Variants in ZNF48 observed in about 807,000 individuals in gnomAD.
The protein encoded by ZNF48 is zinc finger protein 48, also known as zinc finger protein 553.
In ZNF48, 20 loss-of-function variants were observed where a neutral mutation model predicts 40.0. The ratio of observed to expected loss-of-function variants is 0.50; its 90% CI spans 0.35 to 0.73. The LOEUF (loss-of-function observed/expected upper bound fraction) is 0.73, where lower values mean the gene tolerates loss of function less well. Among genes scored for constraint, ZNF48 ranks in the 30% least tolerant of loss-of-function variants. The pLI is 0.01. For synonymous variants in ZNF48, 298 were observed against 329.7 expected, an observed-to-expected ratio of 0.90 and a Z score of 1.04; for missense variants, 726 against 851.9, an observed-to-expected ratio of 0.85 and a Z score of 1.84.
chr16:30,390,938 A>G (rs758481965), upstream of ZNF48, among the ~76,000 whole-genome samples: 4 of 149,098 alleles, frequency 2.7e-5, no homozygotes, highest in Non-Finnish European at 6.0e-5. Context: ...ACAGGGTTTC[A>G]ATGTGTTAGC....
At chr16:30,378,379 T>G (rs1451083839) in exon 1 of ZNF48, 2 of 1,474,488 alleles carry the variant, frequency 1.4e-6, no homozygotes, top group Non-Finnish European at 1.8e-6. Flanking sequence ...GCGCGGGGAT[T>G]GGACAAGAGG....
rs199803502 is a variant in ZNF48, at chr16:30,378,436, A to T, written c.-16+26A>T. ...GTAAGGCCGGGCGGGGCGTGGCCTCAGAGGGCGTCTGACTGCTCGCCCTGG... is the reference window on the plus strand; with the variant it reads ...GTAAGGCCGGGCGGGGCGTGGCCTCTGAGGGCGTCTGACTGCTCGCCCTGG... On this transcript the variant is annotated intron_variant, in intron 1 of 2. Transcript: ENST00000528032. 390 of 1,569,404 alleles carry T rather than the reference A, an allele frequency of 2.5e-4. 1 individual carries two copies. The highest frequency in any genetic ancestry group is 2.0e-3 in the East Asian group (87 of 44,186).
chr16:30,389,814 T>C (rs2049928186), intron 1 of ZNF48, among the ~76,000 whole-genome samples: 1 of 137,952 alleles, frequency 7.2e-6, no homozygotes, highest in East Asian at 2.1e-4. Flanking sequence ...TCATTTGGAT[T>C]AGTTTTTTTT....
At position 30,381,987 on chromosome 16, in the gene ZNF48, A is replaced by G; in HGVS notation, c.-16+3577A>G. ...CTGCACCCATTTCCCAGGGGAGGAA[A>G]GTCTCAGAAAAAAAGCAGTCAACTA... On this transcript the variant is annotated intron_variant, in intron 1 of 2. Coordinates refer to the ZNF48 transcript ENST00000528032. This position sits in a 1 kb window ranked among gnomAD's most constrained non-coding sequence, Gnocchi z 4.3. 2 of 1,603,822 alleles carry G rather than the reference A, an allele frequency of 1.2e-6. No homozygotes were observed. The highest frequency in any genetic ancestry group is 1.7e-6 in the Non-Finnish European group (2 of 1,173,236).
At chr16:30,392,198 T>A (rs781001336), upstream of ZNF48, among the ~76,000 whole-genome samples, 1 of 152,120 alleles carries the variant, frequency 6.6e-6, no homozygotes, top group Non-Finnish European at 1.5e-5. Context: ...AATTTTTTTG[T>A]ATTTTTAGTA....
chr16:30,386,042 G>A (rs1471373020), intron 1 of ZNF48, among the ~76,000 whole-genome samples: 1 of 152,074 alleles, frequency 6.6e-6, no homozygotes, highest in African/African-American at 2.4e-5. Context: ...TTGGGAGGCC[G>A]AGGTGGGAGG....
Position 30,381,705 on chromosome 16 carries a change from C to T in ZNF48, c.-16+3295C>T. On this transcript the variant is annotated intron_variant, in intron 1 of 2. Coordinates refer to the ZNF48 transcript ENST00000528032. The surrounding 1 kb of genome is among the most constrained non-coding windows in gnomAD (Gnocchi z 4.3). ...CAGCACAAACCAGTCCTGTAACTCT[C>T]CAGGGAGTCGCCACTGTGAAAGGCT... 1 of 1,604,314 alleles carries T rather than the reference C, an allele frequency of 6.2e-7. No individual in the cohort carries two copies. Among genetic ancestry groups the T allele is most frequent in the Non-Finnish European group, 8.5e-7 (1 of 1,175,376 alleles).
At chr16:30,380,090 A>C (rs1330234323) in intron 1 of ZNF48, 244 of 1,429,744 alleles carry the variant, frequency 1.7e-4, no homozygotes, top group Non-Finnish European at 2.1e-4. Flanking sequence ...CAGACATTTC[A>C]TGACCAGAGA....
Position 30,381,140 on chromosome 16 carries a change from G to T in ZNF48, c.-16+2730G>T, listed in dbSNP as rs2049841404. On this transcript the variant is annotated intron_variant, in intron 1 of 2. Transcript: ENST00000528032. The surrounding 1 kb of genome is among the most constrained non-coding windows in gnomAD (Gnocchi z 4.3). ...CATCACTCACACCTTCTGCTTGAGG[G>T]CCTGGGTTTCCTGGGGCATCAGAGC... is the stretch of plus-strand genomic sequence containing the variant. The T allele has an allele frequency of 6.2e-7, 1 of 1,613,516 alleles. No homozygotes were observed.
intron 1 of ZNF48, among the ~76,000 whole-genome samples, chr16:30,384,074 G>T (rs1165458053): frequency 2.0e-5 from 3 of 152,062 alleles, no homozygotes; most frequent in African/African-American, 7.3e-5. Context: ...AATTAGCCAG[G>T]CATGGTGGTG....
chr16:30,397,796 G>A lies in ZNF48; in HGVS notation c.546G>A (p.Arg182=). 1 of 1,613,610 alleles carries A rather than the reference G, an allele frequency of 6.2e-7. No individual in the cohort carries two copies. Among genetic ancestry groups the A allele is most frequent in the Non-Finnish European group, 8.5e-7 (1 of 1,179,966 alleles). ...PPAQGPPKIP[R]SRIPAGERPT... ...CCCAGGGTCCCCCAAAGATTCCTCG[G>A]TCCCGGATCCCTGCTGGTGAGCGCC... The change falls in exon 3 of 3, where the codon CGG becomes CGA. Residue 182 remains arginine, a synonymous_variant. Coordinates refer to ENST00000613509, the MANE Select transcript of ZNF48 (RefSeq NM_001214909.2). The surrounding 1 kb of genome is among the most constrained non-coding windows in gnomAD (Gnocchi z 4.1).
chr16:30,382,413 G>A lies in ZNF48; in HGVS notation c.-16+4003G>A. The A allele has an allele frequency of 6.4e-7, 1 of 1,571,692 alleles. No individual in the cohort carries two copies. The highest frequency in any genetic ancestry group is 8.7e-7 in the Non-Finnish European group (1 of 1,149,060). On this transcript the variant is annotated intron_variant, in intron 1 of 2. Coordinates refer to the ZNF48 transcript ENST00000528032. The surrounding 1 kb of genome is among the most constrained non-coding windows in gnomAD (Gnocchi z 4.8). ...TGAGGCTGCTGGCAATGGCAGGCAG[G>A]GTCCCCAGGATCACTTGAGTTCCTG...
intron 1 of ZNF48, among the ~76,000 whole-genome samples, chr16:30,383,772 C>G (rs1325914586): frequency 3.9e-5 from 6 of 152,242 alleles, no homozygotes; most frequent in African/African-American, 9.6e-5. Context: ...TCTCACTCTT[C>G]CAAACGTCCT....
At chr16:30,393,167 C>T (rs1055932698), upstream of ZNF48, among the ~76,000 whole-genome samples, 2 of 152,124 alleles carry the variant, frequency 1.3e-5, no homozygotes, top group African/African-American at 4.8e-5. Flanking sequence ...ACCTCCGCCT[C>T]TGGGGTTCAA....
intron 1 of ZNF48, among the ~76,000 whole-genome samples, chr16:30,385,054 T>C (rs1276481993): frequency 3.3e-5 from 5 of 151,996 alleles, no homozygotes; most frequent in Non-Finnish European, 7.4e-5. Flanking sequence ...CGCATGCCTG[T>C]AATCCCAGCT....
At chr16:30,378,982 C>T in intron 1 of ZNF48, 1 of 1,595,280 alleles carries the variant, frequency 6.3e-7, no homozygotes. Context: ...GAGGCGGGAC[C>T]TTGGAGGCTC....
intron 1 of ZNF48, chr16:30,379,573 C>CGGCAGAAA: frequency 6.7e-7 from 1 of 1,483,514 alleles, no homozygotes; most frequent in Non-Finnish European, 9.4e-7. Context: ...TTGGCTCACA[C>CGGCAGAAA]GGCAGAAACT....
chr16:30,389,390 CA>C (rs1230191284), intron 1 of ZNF48, among the ~76,000 whole-genome samples: 1,734 of 121,216 alleles, frequency 0.014, 25 homozygotes, highest in African/African-American at 0.041. Context: ...GACTCCATCT[CA>C]AAAAAAAAAA....
At chr16:30,378,855 G>GGAGAGAGGGAGAGGGT (rs1365125617) in intron 1 of ZNF48, among the ~76,000 whole-genome samples, 3 of 141,646 alleles carry the variant, frequency 2.1e-5, no homozygotes, top group Non-Finnish European at 4.6e-5. Flanking sequence ...GGAGAGAGGG[G>GGAGAGAGGGAGAGGGT]GAGAGAGGGA....
Sources: allele counts gnomAD v4.1 joint callset (sites outside exome capture counted in the v4.1 genomes callset), GRCh38; gene constraint gnomAD v4.1.1; non-coding constraint Gnocchi (gnomAD v3.1); transcripts MANE v1.5; gene names NCBI Gene and HGNC (gene_info 2026-07-23, HGNC 2026-07-21).